Variants in PVT1 observed in about 807,000 individuals in gnomAD.
PVT1 encodes the protein Pvt1 oncogene.
At chr8:128,088,029 G>T (rs567967729) in intron 5 of PVT1, among the ~76,000 whole-genome samples, 82 of 152,148 alleles carry the variant, frequency 5.4e-4, no homozygotes, top group African/African-American at 1.9e-3. Flanking sequence ...AAAGTGCTGG[G>T]ATTACAGGTG....
At chr8:128,089,467 A>G (rs1278198726) in intron 5 of PVT1, among the ~76,000 whole-genome samples, 1 of 152,162 alleles carries the variant, frequency 6.6e-6, no homozygotes, top group Non-Finnish European at 1.5e-5. Flanking sequence ...CTCCACTGTC[A>G]TGACCATCAC....
intron 5 of PVT1, among the ~76,000 whole-genome samples, chr8:128,071,465 T>G (rs1264767014): frequency 6.6e-6 from 1 of 151,866 alleles, no homozygotes. Flanking sequence ...GAGGATCACT[T>G]GAGGCCAGGA....
intron 5 of PVT1, among the ~76,000 whole-genome samples, chr8:128,090,328 G>C (rs1006078201): frequency 6.6e-6 from 1 of 152,196 alleles, no homozygotes; most frequent in African/African-American, 2.4e-5. Context: ...AAAAGACTGC[G>C]TGCCCAAACT....
At chr8:127,889,776 G>A (rs1815576922) in intron 2 of PVT1, among the ~76,000 whole-genome samples, 1 of 152,164 alleles carries the variant, frequency 6.6e-6, no homozygotes, top group African/African-American at 2.4e-5. Context: ...CTGGAAAACA[G>A]GGGCAGGCAT....
intron 4 of PVT1, among the ~76,000 whole-genome samples, chr8:128,060,491 A>G (rs1813817339): frequency 6.6e-6 from 1 of 152,262 alleles, no homozygotes; most frequent in Non-Finnish European, 1.5e-5. Flanking sequence ...GAATAAACAG[A>G]TGAATCTGAT....
At position 127,831,506 on chromosome 8, in the gene PVT1, T is replaced by C. The variant is rs146624394; in HGVS notation, n.372+35435T>C. Among the ~76,000 whole-genome samples, 31 of 152,074 alleles carry C rather than the reference T, an allele frequency of 2.0e-4. No individual in the cohort carries two copies. In the East Asian group the frequency reaches 6.0e-3, roughly 29 times the overall value. On this transcript the variant is annotated intron_variant and non_coding_transcript_variant, in intron 2 of 10. Transcript: ENST00000651587. ...AGTCTGGGAATTGAGACCATCATGG[T>C]AGGAGATAGCATTTGGAAGATTTTG...
At chr8:127,944,765 G>A (rs551117474) in intron 3 of PVT1, among the ~76,000 whole-genome samples, 1 of 152,252 alleles carries the variant, frequency 6.6e-6, no homozygotes, top group Admixed American at 6.5e-5. Flanking sequence ...CTTTGAAGTG[G>A]TTTTAAGACC....
chr8:128,067,342 C>T (rs758187117), intron 4 of PVT1, among the ~76,000 whole-genome samples: 10 of 151,992 alleles, frequency 6.6e-5, no homozygotes, highest in Admixed American at 2.6e-4. Flanking sequence ...GGAAAACTGA[C>T]GTGGAGTCAT....
chr8:128,063,873 C>T (rs1163769183), intron 4 of PVT1, among the ~76,000 whole-genome samples: 4 of 152,196 alleles, frequency 2.6e-5, no homozygotes, highest in Admixed American at 2.6e-4. Flanking sequence ...AGGATAACTA[C>T]ATGAGGTAAT....
chr8:127,803,481 T>C (rs1333802618), intron 2 of PVT1: 1 of 152,188 alleles, frequency 6.6e-6, no homozygotes, highest in East Asian at 1.9e-4. Context: ...TTTTCAAGGA[T>C]TGTCAGCAAG....
intron 5 of PVT1, among the ~76,000 whole-genome samples, chr8:128,096,203 T>C (rs1202133647): frequency 6.6e-6 from 1 of 152,154 alleles, no homozygotes. Context: ...TTTTCCATCA[T>C]GGTGAATGGC....
In PVT1 at chr8:128,044,903, C is replaced by A. The variant is rs576801820; in HGVS notation, n.913-25257C>A. 2.5e-4 allele frequency among the ~76,000 whole-genome samples: 38 copies of A among 152,338 alleles called. No individual in the cohort carries two copies. The South Asian group carries it at 4.8e-3, about 19-fold the overall frequency. Reference sequence around the variant, plus strand: ...TTATTCATTCCAGCATTCCTACAATCTTGTACATCCATACAATTCTTGATA... The same window carrying A: ...TTATTCATTCCAGCATTCCTACAATATTGTACATCCATACAATTCTTGATA... On this transcript the variant is annotated intron_variant and non_coding_transcript_variant, in intron 4 of 10. Transcript: ENST00000651587.
chr8:127,971,838 A>C (rs1050527642), intron 3 of PVT1, among the ~76,000 whole-genome samples: 11 of 152,216 alleles, frequency 7.2e-5, no homozygotes, highest in Middle Eastern at 3.4e-3. Context: ...GTTATTATCG[A>C]GGCTTCAGGC....
At chr8:127,930,264 C>A (rs1432899607) in intron 3 of PVT1, among the ~76,000 whole-genome samples, 1 of 152,192 alleles carries the variant, frequency 6.6e-6, no homozygotes, top group African/African-American at 2.4e-5. Flanking sequence ...TCAAGCGATT[C>A]TTGTGCCTCA....
chr8:128,075,318 G>C (rs553389717), intron 5 of PVT1, among the ~76,000 whole-genome samples: 2 of 151,982 alleles, frequency 1.3e-5, no homozygotes, highest in East Asian at 3.9e-4. Context: ...CTCCTTCTGT[G>C]TTAGAACATA....
At chr8:127,822,278 A>G (rs1291055837) in intron 2 of PVT1, among the ~76,000 whole-genome samples, 3 of 152,218 alleles carry the variant, frequency 2.0e-5, no homozygotes, top group African/African-American at 7.2e-5. Context: ...GAAAGGAAAG[A>G]TTAAACAATT....
intron 3 of PVT1, among the ~76,000 whole-genome samples, chr8:127,927,813 C>T (rs1816149602): frequency 6.6e-6 from 1 of 152,248 alleles, no homozygotes; most frequent in Non-Finnish European, 1.5e-5. Context: ...TTCTCACTAC[C>T]TGGCATCCTC....
intron 2 of PVT1, among the ~76,000 whole-genome samples, chr8:127,809,047 A>G (rs1489444790): frequency 2.0e-5 from 3 of 150,020 alleles, no homozygotes; most frequent in African/African-American, 4.9e-5. Flanking sequence ...AAAAAAAAAA[A>G]AAAAAAAAGA....
At chr8:127,986,436 C>A (rs938185763) in intron 3 of PVT1, among the ~76,000 whole-genome samples, 2 of 152,194 alleles carry the variant, frequency 1.3e-5, no homozygotes, top group Non-Finnish European at 2.9e-5. Flanking sequence ...TCGGCCACAT[C>A]AGGTGCAGGG....
Sources: gnomAD v4.1 joint callset for allele counts (sites outside exome capture counted in the v4.1 genomes callset) on GRCh38, gnomAD v4.1.1 for gene constraint, MANE v1.5 for transcripts, NCBI Gene and HGNC (gene_info 2026-07-23, HGNC 2026-07-21) for gene names.